CCDC197: variants seen among roughly 807,000 people sequenced by gnomAD.
CCDC197 encodes coiled-coil domain containing 197, also known as uncharacterized protein CCDC197.
CCDC197 carries 24 observed loss-of-function variants against 13.4 expected under a neutral mutation model. That is an observed-to-expected ratio of 1.80 (90% confidence interval 1.30 to 2.53). The LOEUF (loss-of-function observed/expected upper bound fraction) is 2.53, where lower values mean the gene tolerates loss of function less well. Ranked by LOEUF, CCDC197 falls within the 30% of genes most tolerant of loss-of-function variation. The pLI, the probability that CCDC197 is intolerant of heterozygous loss-of-function variation, is 0.00. For missense variants in CCDC197, 255 were observed against 148.8 expected, an observed-to-expected ratio of 1.71 and a Z score of -3.71; for synonymous variants, 99 against 55.5, an observed-to-expected ratio of 1.78 and a Z score of -3.48.
chr14:93,989,889 A>G (rs1890176538), intron 1 of CCDC197, among the ~76,000 whole-genome samples: 1 of 152,200 alleles, frequency 6.6e-6, no homozygotes, highest in Non-Finnish European at 1.5e-5. Flanking sequence ...GGCAGTGTTC[A>G]GTTCCTTGCA....
intron 1 of CCDC197, among the ~76,000 whole-genome samples, chr14:93,991,932 G>A (rs1890220037): frequency 6.6e-6 from 1 of 152,266 alleles, no homozygotes; most frequent in African/African-American, 2.4e-5. Flanking sequence ...CAGCCAGAAT[G>A]TGAACTTCAT....
downstream of CCDC197, chr14:94,008,955 G>A: frequency 3.5e-6 from 2 of 579,352 alleles, no homozygotes; most frequent in East Asian, 2.8e-5. Context: ...CTCAGCTAGG[G>A]TTGGGGGTGC....
chr14:93,994,401 G>A (rs1035113190), upstream of CCDC197, among the ~76,000 whole-genome samples: 4 of 152,268 alleles, frequency 2.6e-5, no homozygotes, highest in Middle Eastern at 3.4e-3. Flanking sequence ...AAATGGAGCA[G>A]TGCTACCACC....
downstream of CCDC197, among the ~76,000 whole-genome samples, chr14:94,009,902 T>C (rs1890780119): frequency 6.6e-6 from 1 of 152,228 alleles, no homozygotes; most frequent in South Asian, 2.1e-4. Context: ...AATTCAGCTC[T>C]AGAGGTCAGC....
At chr14:94,001,515 A>T in intron 4 of CCDC197, 192 bp downstream of exon 4, 2 of 523,168 alleles carry the variant, frequency 3.8e-6, no homozygotes, top group South Asian at 2.7e-5. Context: ...CCTGAGGCTC[A>T]GCTCGTGCCT....
chr14:93,991,344 C>T (rs1890207628), intron 1 of CCDC197, among the ~76,000 whole-genome samples: 1 of 152,134 alleles, frequency 6.6e-6, no homozygotes, highest in South Asian at 2.1e-4. Flanking sequence ...GAGTGCCTTA[C>T]CTATGTCATC....
At chr14:93,999,091 G>T (rs898824442) in intron 2 of CCDC197, among the ~76,000 whole-genome samples, 10 of 152,214 alleles carry the variant, frequency 6.6e-5, no homozygotes, top group Admixed American at 3.9e-4. Flanking sequence ...TCTGGGGGCT[G>T]GTGGGGCCCC....
In CCDC197 at chr14:93,999,646, C is replaced by T; in HGVS notation, c.168C>T (p.Val56=). ...HKLFEDYLIK[V]LEKIPEGCTG... ...TTTTTGAAGACTATCTGATTAAGGT[C>T]CTTGAGAAAATCCCCGAGGGTATGT... Residue 56 remains valine, a synonymous_variant, in exon 3 of 7, where the codon GTC becomes GTT. Transcript: ENST00000636493. 1 of 781,014 alleles carries T rather than the reference C, an allele frequency of 1.3e-6. No individual in the cohort carries two copies. Among genetic ancestry groups the T allele is most frequent in the Non-Finnish European group, 2.4e-6 (1 of 418,132 alleles). The allele number at this position is 781,014 out of a possible 1,614,324, so 48.4% of individuals were successfully genotyped here.
At chr14:93,995,196 G>A (rs982927636), upstream of CCDC197, among the ~76,000 whole-genome samples, 1 of 152,146 alleles carries the variant, frequency 6.6e-6, no homozygotes, top group Non-Finnish European at 1.5e-5. Context: ...ATTTCTGAGT[G>A]GGCAGAGATG....
Position 94,008,765 on chromosome 14 carries a change from AC to A in CCDC197, c.777del (p.Ser262AlafsTer?). ...AAGGAGGCGGGTTTCCACCCCCAGG[AC>A]CCCCTTTCCCAGCCCCCATGCTTCA... is the stretch of plus-strand genomic sequence containing the variant. ...CPRRRVSTPR[T>X]PFPSPHASEC... On this transcript the variant is annotated frameshift_variant, in exon 7 of 7. Transcript: ENST00000636493. LOFTEE classifies it low-confidence loss of function (END_TRUNC). The A allele has an allele frequency of 1.4e-6, 1 of 702,216 alleles. No homozygotes were observed. Among genetic ancestry groups the A allele is most frequent in the Non-Finnish European group, 2.6e-6 (1 of 384,904 alleles). The allele number at this position is 702,216 out of a possible 1,614,324, so 43.5% of individuals were successfully genotyped here.
At chr14:93,990,449 G>C (rs1890189577) in intron 1 of CCDC197, among the ~76,000 whole-genome samples, 1 of 152,192 alleles carries the variant, frequency 6.6e-6, no homozygotes, top group African/African-American at 2.4e-5. Flanking sequence ...AAGAGGGCTG[G>C]TCCAGGCCAC....
upstream of CCDC197, among the ~76,000 whole-genome samples, chr14:93,994,825 C>T (rs1376353536): frequency 6.6e-6 from 1 of 152,148 alleles, no homozygotes; most frequent in Non-Finnish European, 1.5e-5. Context: ...GTCTGACTGT[C>T]CCCAGTGAAG....
downstream of CCDC197, among the ~76,000 whole-genome samples, chr14:94,010,062 T>C (rs553202599): frequency 6.6e-6 from 1 of 152,254 alleles, no homozygotes; most frequent in African/African-American, 2.4e-5. Context: ...CCCGCTTGAC[T>C]CCAGGTGCTG....
chr14:93,996,555 C>T (rs920186158), upstream of CCDC197, among the ~76,000 whole-genome samples: 2 of 152,196 alleles, frequency 1.3e-5, no homozygotes, highest in Middle Eastern at 3.2e-3. Flanking sequence ...TCCTGGCCCC[C>T]ACTCTGGCTC....
chr14:93,997,649 A>G lies in CCDC197; in HGVS notation c.-134+78A>G, dbSNP rs1200037980. Reference sequence around the variant, plus strand: ...ATGGATGGGGGGTGGGTGGGCAGAGATGATGATGAAGCTGCCTCCTCCTTA... The same window carrying G: ...ATGGATGGGGGGTGGGTGGGCAGAGGTGATGATGAAGCTGCCTCCTCCTTA... On this transcript the variant is annotated intron_variant, in intron 1 of 6. Transcript: ENST00000636493. 3 of 158,574 alleles carry G rather than the reference A, an allele frequency of 1.9e-5. No homozygotes were observed. The East Asian group carries it at 5.5e-4, about 29-fold the overall frequency. The allele number at this position is 158,574 out of a possible 1,614,324, so 9.8% of individuals were successfully genotyped here.
At chr14:94,004,348 C>G (rs964912116) in intron 5 of CCDC197, among the ~76,000 whole-genome samples, 1 of 152,210 alleles carries the variant, frequency 6.6e-6, no homozygotes, top group African/African-American at 2.4e-5. Context: ...AGTGTGAGAC[C>G]TGCTCAGGTC....
chr14:93,994,656 C>T (rs1331984137), upstream of CCDC197, among the ~76,000 whole-genome samples: 1 of 152,214 alleles, frequency 6.6e-6, no homozygotes, highest in African/African-American at 2.4e-5. Flanking sequence ...TGCCACCATC[C>T]CCACTCCAAA....
chr14:93,991,339 CCTT>C (rs1297916678), intron 1 of CCDC197, among the ~76,000 whole-genome samples: 3 of 152,128 alleles, frequency 2.0e-5, no homozygotes, highest in Admixed American at 6.5e-5. Context: ...GTGCTGAGTG[CCTT>C]ACCTATGTCA....
intron 2 of CCDC197, among the ~76,000 whole-genome samples, chr14:93,998,774 C>T (rs1890399897): frequency 6.6e-6 from 1 of 152,238 alleles, no homozygotes. Context: ...CTCACAGGGC[C>T]CCACGTGGTA....
Sources: allele counts gnomAD v4.1 joint callset (sites outside exome capture counted in the v4.1 genomes callset), GRCh38; gene constraint gnomAD v4.1.1; transcripts MANE v1.5; gene names NCBI Gene and HGNC (gene_info 2026-07-23, HGNC 2026-07-21).